FGFR1: variants seen among roughly 807,000 people sequenced by gnomAD.
FGFR1 encodes fibroblast growth factor receptor 1, also known as FGFR1/PLAG1 fusion.
A neutral mutation model predicts 93.7 loss-of-function variants in FGFR1; 18 were observed. The observed-to-expected ratio is 0.19, with a 90% CI of 0.13 to 0.28. The LOEUF (loss-of-function observed/expected upper bound fraction) is 0.28, where lower values mean the gene tolerates loss of function less well. Ranked by LOEUF, FGFR1 falls within the 10% of genes least tolerant of loss-of-function variation. FGFR1 has a pLI of 1.00. For missense variants in FGFR1, 731 were observed against 1,080.4 expected, an observed-to-expected ratio of 0.68 and a Z score of 4.53; for synonymous variants, 448 against 429.3, an observed-to-expected ratio of 1.04 and a Z score of -0.54.
At position 38,450,869 on chromosome 8, in the gene FGFR1, T is replaced by C. The variant is rs79300736; in HGVS notation, c.91+6487A>G. Among the ~76,000 whole-genome samples the C allele has an allele frequency of 2.1e-3, 320 of 152,152 alleles. 9 individuals are homozygous for C. The East Asian group carries it at 0.051, about 24-fold the overall frequency. On this transcript the variant is annotated intron_variant, in intron 2 of 17. Coordinates refer to ENST00000447712, the MANE Select transcript of FGFR1 (RefSeq NM_023110.3). ...CGGAGCCAAGAACACAGCCTCGGAGTGGCTTTGCTGCGCTTGCCCCAGCTT... is the reference window on the plus strand; with the variant it reads ...CGGAGCCAAGAACACAGCCTCGGAGCGGCTTTGCTGCGCTTGCCCCAGCTT...
rs1554557391 is a variant in FGFR1 at position 38,421,681 on chromosome 8, C to A, written c.1081+116G>T. On this transcript the variant is annotated intron_variant, in intron 8 of 17. Coordinates refer to ENST00000447712, the MANE Select transcript of FGFR1 (RefSeq NM_023110.3). The stretch of plus-strand genomic sequence containing the variant: ...GGGGCAGGATGTGGCACCAGGCAGG[C>A]AGGAGCCCATTCTTCCAGCTCTCCT... 2.7e-6 allele frequency: 3 copies of A among 1,091,764 alleles called. No homozygotes were observed. The Admixed American group carries it at 5.3e-5, about 19-fold the overall frequency. The allele number at this position is 1,091,764 out of a possible 1,614,324, so 67.6% of individuals were successfully genotyped here.
At chr8:38,466,941 G>C (rs73674173) in intron 1 of FGFR1, among the ~76,000 whole-genome samples, 106 of 151,646 alleles carry the variant, frequency 7.0e-4, no homozygotes, top group African/African-American at 2.5e-3. Flanking sequence ...GCCTCATAGG[G>C]GGTGTGTGTT....
intron 9 of FGFR1, 168 bp from the exon 10 acceptor site, chr8:38,418,541 C>T (rs1052821034): frequency 5.4e-6 from 4 of 744,050 alleles, no homozygotes; most frequent in Non-Finnish European, 8.7e-6. Context: ...GGAGGCCCAA[C>T]TTCTAGGACT....
intron 7 of FGFR1, chr8:38,422,773 C>T (rs540820506): frequency 9.1e-5 from 43 of 470,308 alleles, no homozygotes; most frequent in Non-Finnish European, 1.4e-4. Context: ...ACAGCAAAAC[C>T]GTGTCCCCGT....
In FGFR1 at chr8:38,418,272, C is replaced by T. The variant is rs375796487; in HGVS notation, c.1386G>A (p.Glu462=). The change falls in exon 10 of 18, where the codon GAG becomes GAA. Residue 462 remains glutamate, a synonymous_variant. Transcript: ENST00000447712. The stretch of plus-strand genomic sequence containing the variant: ...AGCGAGGGTCTTCGGGAAGCTCATA[C>T]TCAGAGACCCCTGCTAGCATGGGAG... ...SGTPMLAGVS[E]YELPEDPRWE... is the part of the protein sequence containing the mutation. 237 of 1,614,116 alleles carry T rather than the reference C, an allele frequency of 1.5e-4. No individual in the cohort carries two copies. The highest frequency in any genetic ancestry group is 1.8e-4 in the Non-Finnish European group (217 of 1,180,052).
intron 2 of FGFR1, among the ~76,000 whole-genome samples, chr8:38,450,824 T>C (rs566244153): frequency 1.7e-4 from 26 of 152,264 alleles, no homozygotes; most frequent in Admixed American, 1.4e-3. Flanking sequence ...GTGAAGCTAA[T>C]GGTGTAGCAA....
chr8:38,449,371 A>G (rs892923644), intron 2 of FGFR1, among the ~76,000 whole-genome samples: 1 of 152,230 alleles, frequency 6.6e-6, no homozygotes, highest in Non-Finnish European at 1.5e-5. Context: ...TTGCTTGACT[A>G]GATGAATGAA....
intron 1 of FGFR1, chr8:38,467,760 G>C (rs1177471907): frequency 4.3e-6 from 1 of 233,084 alleles, no homozygotes; most frequent in African/African-American, 2.2e-5. Flanking sequence ...AGCGCAGGGA[G>C]GGGGCGCAGG....
At position 38,448,829 on chromosome 8, in the gene FGFR1, CCTGTAAT is replaced by C. The variant is rs1341606215; in HGVS notation, c.91+8520_91+8526del. On this transcript the variant is annotated intron_variant, in intron 2 of 17. Coordinates refer to ENST00000447712, the MANE Select transcript of FGFR1 (RefSeq NM_023110.3). ...AATTAGCTGGGCATGGTGGTGGGTGCCTGTAATCCCAGCTTCTCGGGAGGGTGAGGCA... is the reference window on the plus strand; with the variant it reads ...AATTAGCTGGGCATGGTGGTGGGTGCCCCAGCTTCTCGGGAGGGTGAGGCA... Among the ~76,000 whole-genome samples the C allele has an allele frequency of 2.0e-5, 3 of 152,094 alleles. No individual in the cohort carries two copies. The East Asian group carries it at 5.8e-4, about 29-fold the overall frequency.
intron 1 of FGFR1, chr8:38,461,045 G>A (rs764670546): frequency 1.3e-6 from 2 of 1,534,858 alleles, no homozygotes; most frequent in East Asian, 2.4e-5. Context: ...GGGGAGCAGA[G>A]AGGGGGCACA....
Position 38,429,360 on chromosome 8 carries a change from C to A in FGFR1, c.358+322G>T, listed in dbSNP as rs1429288869. On this transcript the variant is annotated intron_variant, in intron 3 of 17. Transcript: ENST00000447712. This position sits in a 1 kb window ranked among gnomAD's most constrained non-coding sequence, Gnocchi z 4.4. ...AGTGATGGAGTGGAAGCTGGCCGAG[C>A]ACCACTTAGCCTCCTGGAGATCTGG... 1 of 638,518 alleles carries A rather than the reference C, an allele frequency of 1.6e-6. No individual in the cohort carries two copies. Among genetic ancestry groups the A allele is most frequent in the Admixed American group, 1.8e-5 (1 of 54,430 alleles). The allele number at this position is 638,518 out of a possible 1,614,324, so 39.6% of individuals were successfully genotyped here. A position where few individuals can be genotyped will look rare whatever the true frequency, so the allele number is the denominator to read the frequency against.
In FGFR1 at chr8:38,429,880, G is replaced by A. The variant is rs778531708; in HGVS notation, c.160C>T (p.Arg54Cys). The A allele has an allele frequency of 3.7e-6, 6 of 1,613,974 alleles. No homozygotes were observed. Among genetic ancestry groups the A allele is most frequent in the African/African-American group, 2.7e-5 (2 of 75,042 alleles). Reference sequence around the variant, plus strand: ...TGCACATCGTCCCGCAGCCGACAGCGAAGCTGCAGCAGGTCACCGGGGTGG... The same window carrying A: ...TGCACATCGTCCCGCAGCCGACAGCAAAGCTGCAGCAGGTCACCGGGGTGG... ...LVHPGDLLQL[R>C]CRLRDDVQSI... The change falls in exon 3 of 18, where the codon CGC (arginine) becomes TGC (cysteine). Residue 54 changes from arginine to cysteine, a missense_variant. By Grantham distance (180) the Arg-to-Cys change is radical. This residue lies in a region of FGFR1 where 212 missense variants were observed against 205.8 expected (regional missense o/e 1.03). Transcript: ENST00000447712. This position sits in a 1 kb window ranked among gnomAD's most constrained non-coding sequence, Gnocchi z 4.4.
chr8:38,424,029 C>T lies in FGFR1; in HGVS notation c.936+480G>A, dbSNP rs1429059337. 4.2e-6 allele frequency: 1 copy of T among 236,428 alleles called. No homozygotes were observed. The highest frequency in any genetic ancestry group is 2.3e-5 in the African/African-American group (1 of 44,316). 14.6% of individuals were successfully genotyped at this position (236,428 alleles called of 1,614,324 possible). A position where few individuals can be genotyped will look rare whatever the true frequency, so the allele number is the denominator to read the frequency against. Reference sequence around the variant, plus strand: ...GAAAAAGGAAGAAAATGCCATTACTCCTCGTCCTCATATGGCTTAGAATTT... The same window carrying T: ...GAAAAAGGAAGAAAATGCCATTACTTCTCGTCCTCATATGGCTTAGAATTT... On this transcript the variant is annotated intron_variant, in intron 7 of 17. Coordinates refer to ENST00000447712, the MANE Select transcript of FGFR1 (RefSeq NM_023110.3). The surrounding 1 kb of genome is among the most constrained non-coding windows in gnomAD (Gnocchi z 4.3).
At chr8:38,419,796 C>T (rs1818067271) in intron 8 of FGFR1, 61 bp from the exon 9 acceptor site, 19 of 1,471,584 alleles carry the variant, frequency 1.3e-5, no homozygotes, top group Admixed American at 1.8e-5. Flanking sequence ...CGAGGTCCCG[C>T]TCCATTAGAA....
chr8:38,448,278 A>ATTTTTT (rs200939148), intron 2 of FGFR1, among the ~76,000 whole-genome samples: 1 of 136,352 alleles, frequency 7.3e-6, no homozygotes. Context: ...CAAAACACCA[A>ATTTTTT]TTTTTTTTTT....
intron 13 of FGFR1, 138 bp downstream of exon 13, chr8:38,415,732 A>C: frequency 1.1e-6 from 1 of 896,282 alleles, no homozygotes; most frequent in Non-Finnish European, 1.8e-6. Context: ...AGAGAGCCTA[A>C]GACAACACAC....
chr8:38,447,457 A>C (rs577535212), intron 2 of FGFR1, among the ~76,000 whole-genome samples: 2 of 151,686 alleles, frequency 1.3e-5, no homozygotes, highest in South Asian at 4.1e-4. Context: ...GGAAAATGTC[A>C]AGCATGCAGA....
chr8:38,430,057 A>G, intron 2 of FGFR1, 109 bp from the exon 3 acceptor site: 1 of 1,145,822 alleles, frequency 8.7e-7, no homozygotes. Context: ...ACGGAGCCGC[A>G]CCATCCTGGG....
At chr8:38,437,476 C>G (rs998206156) in intron 2 of FGFR1, among the ~76,000 whole-genome samples, 1 of 152,198 alleles carries the variant, frequency 6.6e-6, no homozygotes, top group African/African-American at 2.4e-5. Context: ...GCAGGTCTAG[C>G]ACAGGCTCTG....
Sources: gnomAD v4.1 joint callset for allele counts (sites outside exome capture counted in the v4.1 genomes callset) on GRCh38, gnomAD v4.1.1 for gene constraint, gnomAD v4.1.1 regional missense constraint, Gnocchi (gnomAD v3.1) non-coding constraint, MANE v1.5 for transcripts, NCBI Gene and HGNC (gene_info 2026-07-23, HGNC 2026-07-21) for gene names.